The following RNF115 variants were observed in gnomAD, a reference collection of about 807,000 sequenced individuals.
RNF115 encodes the protein ring finger protein 115.
RNF115 carries 31 observed loss-of-function variants against 39.2 expected under a neutral mutation model. That is an observed-to-expected ratio of 0.79 (90% CI 0.59 to 1.07). RNF115 has a LOEUF of 1.07. Among genes scored for constraint, RNF115 ranks in the 50% least tolerant of loss-of-function variants. RNF115 has a pLI of 0.00. For synonymous variants in RNF115, 124 were observed against 131.0 expected (o/e 0.95, Z 0.37); for missense variants, 384 against 381.7 (o/e 1.01, Z -0.05).
At chr1:145,810,600 T>G in intron 1 of RNF115, among the ~76,000 whole-genome samples, 1 of 92,302 alleles carries the variant, frequency 1.1e-5, no homozygotes, top group East Asian at 3.3e-4. Context: ...GGCACAGGTT[T>G]GCCTACATAA....
chr1:145,779,109 G>C (rs1004413108), intron 3 of RNF115, among the ~76,000 whole-genome samples: 1 of 151,988 alleles, frequency 6.6e-6, no homozygotes, highest in Non-Finnish European at 1.5e-5. Context: ...TATATAACTA[G>C]ACATGCCTAA....
chr1:145,777,602 T>TA (rs1647943143), intron 3 of RNF115, among the ~76,000 whole-genome samples: 1 of 151,724 alleles, frequency 6.6e-6, no homozygotes. Flanking sequence ...TAGACTTAGA[T>TA]AAGCATAAAA....
chr1:145,796,950 AC>A (rs1427265394), intron 1 of RNF115, among the ~76,000 whole-genome samples: 1 of 152,106 alleles, frequency 6.6e-6, no homozygotes, highest in African/African-American at 2.4e-5. Context: ...ATAGAAATTG[AC>A]CCTCCCAGTC....
At chr1:145,751,004 A>G (rs1472091233) in intron 6 of RNF115, among the ~76,000 whole-genome samples, 1 of 152,218 alleles carries the variant, frequency 6.6e-6, no homozygotes, top group Admixed American at 6.5e-5. Context: ...AAATGAACAT[A>G]AACAAGTGGA....
chr1:145,751,317 A>C, intron 6 of RNF115, 121 bp downstream of exon 6: 3 of 677,832 alleles, frequency 4.4e-6, no homozygotes, highest in Non-Finnish European at 7.6e-6. Flanking sequence ...GGAAACCCCA[A>C]AGCTCAAAAT....
At chr1:145,818,128 T>G (rs1553723873) in intron 1 of RNF115, among the ~76,000 whole-genome samples, 1 of 151,858 alleles carries the variant, frequency 6.6e-6, no homozygotes, top group East Asian at 1.9e-4. Flanking sequence ...AGTAATGGAT[T>G]GCTGGGCAGA....
chr1:145,769,760 T>TAAAAAAAAA, intron 4 of RNF115, among the ~76,000 whole-genome samples: 1 of 125,592 alleles, frequency 8.0e-6, no homozygotes, highest in Non-Finnish European at 1.6e-5. Flanking sequence ...TAAAAATCCT[T>TAAAAAAAAA]AAAAAAAAAA....
In RNF115 at chr1:145,740,850, T is replaced by G. The variant is rs1268629513; in HGVS notation, c.*6016A>C. 1.3e-5 allele frequency: 2 copies of G among 151,940 alleles called. No homozygotes were observed. Among genetic ancestry groups the G allele is most frequent in the East Asian group, 1.9e-4 (1 of 5,182 alleles). 9.4% of individuals were successfully genotyped at this position (151,940 alleles called of 1,614,324 possible). ...GGAAGGGAATCTAATAATTTGGGGGTTTTTGTTTTGAGACAGGGTCTCTCT... is the reference window on the plus strand; with the variant it reads ...GGAAGGGAATCTAATAATTTGGGGGGTTTTGTTTTGAGACAGGGTCTCTCT... On this transcript the variant is annotated 3_prime_UTR_variant, in exon 9 of 9. Transcript: ENST00000582693.
chr1:145,758,959 A>G (rs144455150), intron 4 of RNF115, among the ~76,000 whole-genome samples: 479 of 152,358 alleles, frequency 3.1e-3, no homozygotes, highest in African/African-American at 0.011. Flanking sequence ...GAAGGAAGAT[A>G]GTGTATACAT....
At chr1:145,813,795 TG>T (rs1649838136) in intron 1 of RNF115, among the ~76,000 whole-genome samples, 1 of 147,514 alleles carries the variant, frequency 6.8e-6, no homozygotes, top group Non-Finnish European at 1.5e-5. Flanking sequence ...TAGCACAAGA[TG>T]ACACTGACTA....
intron 1 of RNF115, among the ~76,000 whole-genome samples, chr1:145,806,435 T>C (rs1553721576): frequency 6.6e-6 from 1 of 152,220 alleles, no homozygotes; most frequent in East Asian, 1.9e-4. Context: ...CTGATTTTAC[T>C]ACCCATTTTT....
rs1292486365 is a variant in RNF115, at chr1:145,824,093, G to A, written c.-220C>T. ...GCACCAAAGAGGCGCAGGAAGGAGA[G>A]ACAAACGGCCCGCCCGCCGGCTCCA... is the stretch of plus-strand genomic sequence containing the variant. On this transcript the variant is annotated 5_prime_UTR_variant, in exon 1 of 9. Coordinates refer to ENST00000582693, the MANE Select transcript of RNF115 (RefSeq NM_014455.4). The A allele has an allele frequency of 1.8e-5, 8 of 451,576 alleles. No individual in the cohort carries two copies. Among genetic ancestry groups the A allele is most frequent in the South Asian group, 1.1e-4 (3 of 28,212 alleles). 28.0% of individuals were successfully genotyped at this position (451,576 alleles called of 1,614,324 possible). A position where few individuals can be genotyped will look rare whatever the true frequency, so the allele number is the denominator to read the frequency against.
chr1:145,756,559 T>C (rs1238406023), intron 4 of RNF115, among the ~76,000 whole-genome samples: 1 of 152,142 alleles, frequency 6.6e-6, no homozygotes, highest in Non-Finnish European at 1.5e-5. Context: ...GGTGTTATGT[T>C]AGTTTCCTAG....
chr1:145,788,686 C>T (rs1471591267), intron 2 of RNF115: 1 of 659,048 alleles, frequency 1.5e-6, no homozygotes, highest in Admixed American at 2.1e-5. Context: ...ATCACCACAT[C>T]TGCTATGATA....
intron 1 of RNF115, among the ~76,000 whole-genome samples, chr1:145,794,050 G>A (rs1361439787): frequency 3.3e-5 from 5 of 151,912 alleles, no homozygotes; most frequent in African/African-American, 9.7e-5. Flanking sequence ...CGCCACGATG[G>A]CCAGGCTGGT....
At chr1:145,755,995 G>A (rs1302533478) in intron 4 of RNF115, among the ~76,000 whole-genome samples, 1 of 152,112 alleles carries the variant, frequency 6.6e-6, no homozygotes, top group African/African-American at 2.4e-5. Flanking sequence ...ATTAAAGGAA[G>A]AACAGTTAAA....
In RNF115 at chr1:145,744,494, G is replaced by A. The variant is rs1657796094; in HGVS notation, c.*2372C>T. ...GGGCCCAAATGAATCATACTTTCTG[G>A]TCACAACTTTTAGAGGCAGGCTATT... is the stretch of plus-strand genomic sequence containing the variant. On this transcript the variant is annotated 3_prime_UTR_variant, in exon 9 of 9. Coordinates refer to ENST00000582693, the MANE Select transcript of RNF115 (RefSeq NM_014455.4). 1 of 152,112 alleles carries A rather than the reference G, an allele frequency of 6.6e-6. No individual in the cohort carries two copies. The highest frequency in any genetic ancestry group is 6.6e-5 in the Admixed American group (1 of 15,252). 9.4% of individuals were successfully genotyped at this position (152,112 alleles called of 1,614,324 possible).
chr1:145,765,810 G>C (rs1177110862), intron 4 of RNF115, among the ~76,000 whole-genome samples: 3 of 152,164 alleles, frequency 2.0e-5, no homozygotes, highest in African/African-American at 7.2e-5. Flanking sequence ...TTTGCAGAAT[G>C]AATGAACAAT....
intron 1 of RNF115, among the ~76,000 whole-genome samples, chr1:145,801,089 T>A (rs1382233734): frequency 2.6e-5 from 4 of 152,008 alleles, no homozygotes; most frequent in African/African-American, 9.7e-5. Context: ...GAGAATGGCA[T>A]GAACCCAAGA....
Sources: allele counts gnomAD v4.1 joint callset (sites outside exome capture counted in the v4.1 genomes callset), GRCh38; gene constraint gnomAD v4.1.1; transcripts MANE v1.5; gene names NCBI Gene and HGNC (gene_info 2026-07-23, HGNC 2026-07-21).